The following MPP7 variants were observed in gnomAD, a reference collection of about 807,000 sequenced individuals.
MPP7 encodes MAGUK p55 subfamily member 7.
A neutral mutation model predicts 76.5 loss-of-function variants in MPP7; 60 were observed. That is an observed-to-expected ratio of 0.78 (90% CI 0.64 to 0.97). The LOEUF is 0.97. MPP7 is among the 50% of genes least tolerant of loss of function. The pLI is 0.00. For missense variants in MPP7, 641 were observed against 694.0 expected (o/e 0.92, Z 0.86); for synonymous variants, 237 against 244.5 (o/e 0.97, Z 0.29).
chr10:28,158,954 T>C (rs148792455), intron 3 of MPP7, among the ~76,000 whole-genome samples: 1,940 of 152,210 alleles, frequency 0.013, 33 homozygotes, highest in African/African-American at 0.04. Context: ...GCAAAGGGTA[T>C]TGGGGGAGTA....
In MPP7 at chr10:28,131,562, G is replaced by A. The variant is rs1273807169; in HGVS notation, c.445C>T (p.Leu149=). The change falls in exon 6 of 17, where the codon CTG becomes TTG. Residue 149 remains leucine (L), a splice_region_variant and synonymous_variant. Transcript: ENST00000683449. ...CATATCTGAGCACCAAAACTCACCA[G>A]TGGTTCTCTATTTTTGACCAGACGG... is the stretch of plus-strand genomic sequence containing the variant. ...IIRLVKNREP[L]GATIKKDEQT... 1.3e-6 allele frequency: 2 copies of A among 1,589,106 alleles called. No homozygotes were observed. Among genetic ancestry groups the A allele is most frequent in the Admixed American group, 3.4e-5 (2 of 59,426 alleles).
intron 2 of MPP7, among the ~76,000 whole-genome samples, chr10:28,205,753 G>T (rs1230233013): frequency 2.0e-5 from 3 of 152,164 alleles, no homozygotes; most frequent in Non-Finnish European, 4.4e-5. Flanking sequence ...AAGACATCAG[G>T]AAAGTCTTCA....
At chr10:28,299,765 A>ATTTTTT (rs1841109518) in intron 1 of MPP7, among the ~76,000 whole-genome samples, 2 of 128,094 alleles carry the variant, frequency 1.6e-5, no homozygotes, top group East Asian at 3.7e-4. Context: ...AAAATTCAAG[A>ATTTTTT]CTTTTTTTTT....
At chr10:28,229,087 T>C (rs1320693321) in intron 2 of MPP7, among the ~76,000 whole-genome samples, 1 of 152,076 alleles carries the variant, frequency 6.6e-6, no homozygotes, top group Non-Finnish European at 1.5e-5. Context: ...CAGCTGAAAT[T>C]TTTCCAGAAT....
intron 12 of MPP7, among the ~76,000 whole-genome samples, chr10:28,075,102 G>A (rs758313486): frequency 6.6e-6 from 1 of 152,038 alleles, no homozygotes; most frequent in Non-Finnish European, 1.5e-5. Flanking sequence ...GGAGCAGGAA[G>A]AAGGGGAAGA....
At chr10:28,078,770 C>T (rs1195060636) in intron 12 of MPP7, among the ~76,000 whole-genome samples, 1 of 152,062 alleles carries the variant, frequency 6.6e-6, no homozygotes, top group Non-Finnish European at 1.5e-5. Context: ...CTTTAAATTC[C>T]TTTTTATGCA....
rs1171166752 is a variant in MPP7, at chr10:28,051,364, G to C, written c.*2701C>G. Reference sequence around the variant, plus strand: ...TACATTCAATCATTACACAATACCAGGAAGGTCAGCCTTAAAGATACCAAG... The same window carrying C: ...TACATTCAATCATTACACAATACCACGAAGGTCAGCCTTAAAGATACCAAG... On this transcript the variant is annotated 3_prime_UTR_variant, in exon 17 of 17. Coordinates refer to ENST00000683449, the MANE Select transcript of MPP7 (RefSeq NM_001318170.2). 6.6e-6 allele frequency: 1 copy of C among 152,082 alleles called. No homozygotes were observed. Among genetic ancestry groups the C allele is most frequent in the East Asian group, 1.9e-4 (1 of 5,194 alleles). The allele number at this position is 152,082 out of a possible 1,614,324, so 9.4% of individuals were successfully genotyped here. A position where few individuals can be genotyped will look rare whatever the true frequency, so the allele number is the denominator to read the frequency against.
At chr10:28,207,410 T>C (rs7915273) in intron 2 of MPP7, among the ~76,000 whole-genome samples, 27,333 of 152,062 alleles carry the variant, frequency 0.18, 3,066 homozygotes, top group East Asian at 0.56. Flanking sequence ...AAAGGTTATA[T>C]TGGGGGCTGG....
chr10:28,235,904 A>T (rs182388590), intron 2 of MPP7, among the ~76,000 whole-genome samples: 3 of 152,368 alleles, frequency 2.0e-5, no homozygotes, highest in Non-Finnish European at 4.4e-5. Context: ...AAATGTAAAT[A>T]AATTCTGCAA....
chr10:28,074,412 C>T (rs1179363196), intron 12 of MPP7, among the ~76,000 whole-genome samples: 1 of 152,118 alleles, frequency 6.6e-6, no homozygotes, highest in Non-Finnish European at 1.5e-5. Context: ...ATTCTCATGC[C>T]TCAGGCTCTT....
At chr10:28,262,184 A>ATT (rs1839973750) in intron 1 of MPP7, among the ~76,000 whole-genome samples, 1 of 15,352 alleles carries the variant, frequency 6.5e-5, no homozygotes, top group Non-Finnish European at 1.3e-4. Flanking sequence ...AAATAAATAA[A>ATT]TTATATATAT....
At chr10:28,168,550 G>A (rs890570429) in intron 3 of MPP7, among the ~76,000 whole-genome samples, 8 of 151,260 alleles carry the variant, frequency 5.3e-5, no homozygotes, top group South Asian at 2.1e-4. Context: ...ACAGAGTCTC[G>A]CTCTGTCGCC....
intron 2 of MPP7, among the ~76,000 whole-genome samples, chr10:28,329,472 CA>C (rs1324546644): frequency 1.3e-5 from 2 of 151,536 alleles, no homozygotes; most frequent in African/African-American, 4.8e-5. Flanking sequence ...ACTAAAAATA[CA>C]AAAAAATTAG....
upstream of MPP7, among the ~76,000 whole-genome samples, chr10:28,303,844 T>C (rs1252311038): frequency 6.6e-6 from 1 of 152,138 alleles, no homozygotes; most frequent in Non-Finnish European, 1.5e-5. Context: ...CTTAAAGAAC[T>C]TTACATATGT....
At chr10:28,300,192 GA>G (rs1210732126) in intron 1 of MPP7, among the ~76,000 whole-genome samples, 2 of 152,160 alleles carry the variant, frequency 1.3e-5, no homozygotes, top group African/African-American at 2.4e-5. Context: ...AAATCTGTTT[GA>G]AATCTCCAGT....
At chr10:28,187,377 C>A (rs768652774) in intron 3 of MPP7, among the ~76,000 whole-genome samples, 1 of 152,172 alleles carries the variant, frequency 6.6e-6, no homozygotes, top group Non-Finnish European at 1.5e-5. Flanking sequence ...TAAACTATAA[C>A]GTAAGAAATA....
Position 28,056,517 on chromosome 10 carries a change from G to C in MPP7, c.1514C>G (p.Ser505Ter). 6.2e-7 allele frequency: 1 copy of C among 1,612,704 alleles called. No homozygotes were observed. The highest frequency in any genetic ancestry group is 8.5e-7 in the Non-Finnish European group (1 of 1,179,736). The stretch of plus-strand genomic sequence containing the variant: ...TGCAGCACCTTGGTCATCTCTGCTT[G>C]AAATAATCTTTGCATTTTTTCTTGT... ...RETRKNAKIISSRDDQGAAKP... is the reference protein window; with the variant it reads ...RETRKNAKII Residue 505 changes from serine (S) to a stop codon, truncating the protein, a stop_gained, in exon 16 of 17, where the codon TCA becomes TGA. Transcript: ENST00000683449. LOFTEE classifies it high-confidence loss of function.
chr10:28,256,796 C>T (rs1306437390), intron 1 of MPP7, among the ~76,000 whole-genome samples: 3 of 152,182 alleles, frequency 2.0e-5, no homozygotes, highest in Admixed American at 1.3e-4. Flanking sequence ...TATCATTGTA[C>T]GCCATCCATT....
intron 1 of MPP7, among the ~76,000 whole-genome samples, chr10:28,277,936 G>T (rs188334801): frequency 6.6e-6 from 1 of 152,112 alleles, no homozygotes; most frequent in South Asian, 2.1e-4. Context: ...AAAAGTGGAC[G>T]TATTTTTCCA....
Sources: gnomAD v4.1 joint callset for allele counts (sites outside exome capture counted in the v4.1 genomes callset) on GRCh38, gnomAD v4.1.1 for gene constraint, MANE v1.5 for transcripts, NCBI Gene and HGNC (gene_info 2026-07-23, HGNC 2026-07-21) for gene names.